The following SPOCK3 variants were observed in gnomAD, a reference collection of about 807,000 sequenced individuals.
SPOCK3 encodes the protein SPARC (osteonectin), cwcv and kazal like domains proteoglycan 3, also known as testican-3.
In SPOCK3, 30 loss-of-function variants were observed where a neutral mutation model predicts 56.6. The ratio of observed to expected loss-of-function variants is 0.53; its 90% CI spans 0.40 to 0.72. The LOEUF (loss-of-function observed/expected upper bound fraction) is 0.72, where lower values mean the gene tolerates loss of function less well. Ranked by LOEUF, SPOCK3 falls within the 30% of genes least tolerant of loss-of-function variation. The pLI, the probability that SPOCK3 is intolerant of heterozygous loss-of-function variation, is 0.00. For synonymous variants in SPOCK3, 196 were observed against 183.3 expected, an observed-to-expected ratio of 1.07 and a Z score of -0.56; for missense variants, 527 against 530.0, an observed-to-expected ratio of 0.99 and a Z score of 0.06.
intron 2 of SPOCK3, among the ~76,000 whole-genome samples, chr4:167,079,219 C>T (rs1757492415): frequency 6.6e-6 from 1 of 151,894 alleles, no homozygotes; most frequent in Non-Finnish European, 1.5e-5. Flanking sequence ...AGAACTAAAC[C>T]TTATTTCTTT....
At chr4:167,036,416 A>C (rs1266465847) in intron 3 of SPOCK3, among the ~76,000 whole-genome samples, 1 of 152,114 alleles carries the variant, frequency 6.6e-6, no homozygotes, top group African/African-American at 2.4e-5. Context: ...GTGCCCAGTC[A>C]CAGTTTCAAC....
intron 2 of SPOCK3, among the ~76,000 whole-genome samples, chr4:167,155,794 C>A (rs1764768433): frequency 6.6e-6 from 1 of 152,008 alleles, no homozygotes; most frequent in African/African-American, 2.4e-5. Context: ...AATAGAAATA[C>A]TATCCGAGCC....
intron 2 of SPOCK3, among the ~76,000 whole-genome samples, chr4:167,217,762 A>G (rs13121764): frequency 0.032 from 4,853 of 152,202 alleles, 112 homozygotes; most frequent in Middle Eastern, 0.072. Context: ...ATAATATAAC[A>G]TGTGCCCAAC....
At chr4:166,807,127 A>G (rs1743247296) in intron 6 of SPOCK3, among the ~76,000 whole-genome samples, 1 of 152,044 alleles carries the variant, frequency 6.6e-6, no homozygotes, top group African/African-American at 2.4e-5. Flanking sequence ...ATAAAAGATA[A>G]ATGAGAATTC....
At chr4:166,825,879 G>A (rs1161748548) in intron 6 of SPOCK3, among the ~76,000 whole-genome samples, 2 of 152,154 alleles carry the variant, frequency 1.3e-5, no homozygotes, top group South Asian at 2.1e-4. Flanking sequence ...AACGGACTTT[G>A]AGGACTCAGG....
At chr4:167,076,488 A>C (rs2150279256) in intron 2 of SPOCK3, among the ~76,000 whole-genome samples, 1 of 151,952 alleles carries the variant, frequency 6.6e-6, no homozygotes, top group South Asian at 2.1e-4. Flanking sequence ...TATTATATTA[A>C]AAAATAAATC....
intron 2 of SPOCK3, among the ~76,000 whole-genome samples, chr4:167,195,653 G>A (rs868427263): frequency 2.6e-5 from 4 of 152,192 alleles, no homozygotes; most frequent in African/African-American, 9.7e-5. Flanking sequence ...AAGTGTGGGT[G>A]TGTATGACTC....
intron 6 of SPOCK3, among the ~76,000 whole-genome samples, chr4:166,886,671 T>A (rs1734230438): frequency 1.3e-5 from 2 of 152,160 alleles, no homozygotes; most frequent in Admixed American, 6.6e-5. Context: ...TGGTGCTAAT[T>A]TGACCTTAAA....
chr4:167,014,151 C>T (rs1277217116), intron 3 of SPOCK3, among the ~76,000 whole-genome samples: 1 of 152,124 alleles, frequency 6.6e-6, no homozygotes, highest in Admixed American at 6.5e-5. Context: ...ATCTCTGGCC[C>T]ACTTTGAGTA....
intron 4 of SPOCK3, among the ~76,000 whole-genome samples, chr4:166,931,554 A>G (rs1197067218): frequency 2.0e-5 from 3 of 152,198 alleles, no homozygotes; most frequent in Non-Finnish European, 4.4e-5. Context: ...AATTTACTCT[A>G]TGCCTATGAC....
rs576504872 is a variant in SPOCK3, at chr4:166,897,236, GC to G, written c.475-7993del. Among the ~76,000 whole-genome samples the G allele has an allele frequency of 1.2e-4, 19 of 152,104 alleles. No individual in the cohort carries two copies. The South Asian group carries it at 3.7e-3, about 30-fold the overall frequency. ...TAGTTTGTCTAATATTAATAGAATTGCCCTATTATTGTGTAGTGTTGGGGGA... is the reference window on the plus strand; with the variant it reads ...TAGTTTGTCTAATATTAATAGAATTGCCTATTATTGTGTAGTGTTGGGGGA... On this transcript the variant is annotated intron_variant, in intron 5 of 10. Coordinates refer to ENST00000357545, the MANE Select transcript of SPOCK3 (RefSeq NM_001040159.2).
At chr4:167,117,287 G>T (rs970058700) in intron 2 of SPOCK3, among the ~76,000 whole-genome samples, 1 of 152,090 alleles carries the variant, frequency 6.6e-6, no homozygotes, top group South Asian at 2.1e-4. Context: ...GCCACTTGTG[G>T]GCTGGTATGA....
chr4:167,026,832 T>C (rs1205010274), intron 3 of SPOCK3, among the ~76,000 whole-genome samples: 1 of 151,668 alleles, frequency 6.6e-6, no homozygotes, highest in African/African-American at 2.4e-5. Flanking sequence ...TTTTTTTTTT[T>C]TTTTTCTCAA....
intron 4 of SPOCK3, among the ~76,000 whole-genome samples, chr4:166,952,061 T>C (rs1742712467): frequency 6.6e-6 from 1 of 152,142 alleles, no homozygotes. Context: ...CTATTCAACA[T>C]AGTGTTGGAG....
chr4:167,034,098 A>C (rs1478529265), intron 3 of SPOCK3, among the ~76,000 whole-genome samples: 1 of 152,042 alleles, frequency 6.6e-6, no homozygotes, highest in Non-Finnish European at 1.5e-5. Flanking sequence ...AAAGAATCTG[A>C]CTATTGGAAT....
intron 2 of SPOCK3, among the ~76,000 whole-genome samples, chr4:167,229,818 G>A (rs568413260): frequency 9.9e-5 from 15 of 151,962 alleles, no homozygotes; most frequent in African/African-American, 2.4e-4. Context: ...TTATTATTAC[G>A]TTAAATATAC....
intron 4 of SPOCK3, among the ~76,000 whole-genome samples, chr4:166,931,337 T>TGGG (rs34413695): frequency 1.7e-3 from 175 of 104,574 alleles, no homozygotes; most frequent in African/African-American, 5.9e-3. Flanking sequence ...GTGTGGGGGG[T>TGGG]GGGGGGGCAA....
intron 2 of SPOCK3, among the ~76,000 whole-genome samples, chr4:167,066,277 G>C (rs1289308500): frequency 6.6e-6 from 1 of 151,778 alleles, no homozygotes. Flanking sequence ...CGTTGTGTTA[G>C]GGGTAGGGAG....
intron 2 of SPOCK3, 49 bp from the exon 3 acceptor site, chr4:167,062,586 C>T: frequency 2.8e-6 from 4 of 1,405,446 alleles, no homozygotes; most frequent in Non-Finnish European, 4.0e-6. Context: ...AATTAAAACG[C>T]AAGGGTTCAT....
Sources: gnomAD v4.1 joint callset for allele counts (sites outside exome capture counted in the v4.1 genomes callset) on GRCh38, gnomAD v4.1.1 for gene constraint, MANE v1.5 for transcripts, NCBI Gene and HGNC (gene_info 2026-07-23, HGNC 2026-07-21) for gene names.